GALNTL6: variants seen among roughly 807,000 people sequenced by gnomAD.
GALNTL6 encodes the protein polypeptide N-acetylgalactosaminyltransferase like 6, also known as polypeptide N-acetylgalactosaminyltransferase-like 6.
In GALNTL6, 46 loss-of-function variants were observed where a neutral mutation model predicts 73.7. The ratio of observed to expected loss-of-function variants is 0.62; its 90% CI spans 0.49 to 0.80. GALNTL6 has a LOEUF of 0.80. Ranked by LOEUF, GALNTL6 falls within the 30% of genes least tolerant of loss-of-function variation. GALNTL6 has a pLI of 0.00. For missense variants in GALNTL6, 604 were observed against 755.0 expected (o/e 0.80, Z 2.34); for synonymous variants, 259 against 263.7 (o/e 0.98, Z 0.17).
At chr4:171,830,600 A>C (rs1416192565) in intron 2 of GALNTL6, among the ~76,000 whole-genome samples, 2 of 152,186 alleles carry the variant, frequency 1.3e-5, no homozygotes, top group Admixed American at 6.6e-5. Context: ...TGTCATACTC[A>C]TGAATTAATG....
At chr4:172,116,076 G>C (rs931735873) in intron 2 of GALNTL6, among the ~76,000 whole-genome samples, 1 of 151,936 alleles carries the variant, frequency 6.6e-6, no homozygotes, top group Non-Finnish European at 1.5e-5. Context: ...TCTACCTAGA[G>C]AGAATATAAA....
chr4:172,987,574 T>C (rs766182395), intron 10 of GALNTL6, among the ~76,000 whole-genome samples: 3 of 152,216 alleles, frequency 2.0e-5, no homozygotes, highest in Non-Finnish European at 4.4e-5. Context: ...AATTATTTGT[T>C]ATATGGTGAT....
intron 2 of GALNTL6, among the ~76,000 whole-genome samples, chr4:172,060,500 T>C (rs1282173689): frequency 6.6e-6 from 1 of 152,220 alleles, no homozygotes; most frequent in African/African-American, 2.4e-5. Context: ...GTTGATGATT[T>C]ATCGTAGTCA....
intron 7 of GALNTL6, among the ~76,000 whole-genome samples, chr4:172,855,196 GAAA>G (rs3087060): frequency 7.2e-6 from 1 of 138,904 alleles, no homozygotes. Context: ...ACTTTGAGGT[GAAA>G]AAAAAAAAAA....
At chr4:172,046,478 A>G (rs956502114) in intron 2 of GALNTL6, among the ~76,000 whole-genome samples, 14 of 152,048 alleles carry the variant, frequency 9.2e-5, no homozygotes, top group African/African-American at 3.1e-4. Flanking sequence ...ACTAGTTTAC[A>G]TTTTCACTAG....
At chr4:172,774,695 C>T (rs1738971894) in intron 5 of GALNTL6, among the ~76,000 whole-genome samples, 1 of 152,098 alleles carries the variant, frequency 6.6e-6, no homozygotes, top group Admixed American at 6.6e-5. Flanking sequence ...GCTTGTGGCT[C>T]ACACCTGCAA....
intron 3 of GALNTL6, among the ~76,000 whole-genome samples, chr4:172,305,637 A>G (rs1740105539): frequency 6.6e-6 from 1 of 152,150 alleles, no homozygotes; most frequent in Non-Finnish European, 1.5e-5. Flanking sequence ...GTTGTTTGCA[A>G]AAGCAATGTA....
At chr4:172,737,377 C>T (rs1012225742) in intron 5 of GALNTL6, among the ~76,000 whole-genome samples, 2 of 151,730 alleles carry the variant, frequency 1.3e-5, no homozygotes, top group Non-Finnish European at 2.9e-5. Context: ...CTGATTCTTT[C>T]CTCTGCTTGC....
chr4:172,042,847 C>T (rs1258289211), intron 2 of GALNTL6, among the ~76,000 whole-genome samples: 3 of 100,434 alleles, frequency 3.0e-5, no homozygotes, highest in Admixed American at 3.1e-4. Context: ...TTGTTCTATC[C>T]GAGCAATCTT....
intron 4 of GALNTL6, among the ~76,000 whole-genome samples, chr4:172,346,296 G>T (rs1741737908): frequency 1.3e-5 from 2 of 152,208 alleles, no homozygotes; most frequent in South Asian, 4.1e-4. Context: ...CGTCTCAACA[G>T]TACATGGTCA....
intron 3 of GALNTL6, among the ~76,000 whole-genome samples, chr4:172,270,585 A>G (rs1207418258): frequency 6.6e-6 from 1 of 152,158 alleles, no homozygotes; most frequent in Non-Finnish European, 1.5e-5. Flanking sequence ...GCCCTGACAG[A>G]ACCTGGGACA....
intron 3 of GALNTL6, among the ~76,000 whole-genome samples, chr4:172,284,343 G>A (rs1319645664): frequency 6.6e-6 from 1 of 152,068 alleles, no homozygotes; most frequent in East Asian, 1.9e-4. Context: ...ATATTGCATA[G>A]TGGTGAAGTC....
chr4:172,698,372 G>A (rs968375475), intron 5 of GALNTL6, among the ~76,000 whole-genome samples: 3 of 151,968 alleles, frequency 2.0e-5, no homozygotes, highest in Non-Finnish European at 4.4e-5. Flanking sequence ...AACTAGTTTT[G>A]GCTCCTCCCA....
chr4:173,035,162 G>A (rs1021953730), intron 12 of GALNTL6, among the ~76,000 whole-genome samples: 2 of 147,842 alleles, frequency 1.4e-5, no homozygotes, highest in Non-Finnish European at 3.0e-5. Flanking sequence ...TGTTACATAT[G>A]TATACATGTG....
At chr4:172,627,196 A>T (rs914825232) in intron 5 of GALNTL6, among the ~76,000 whole-genome samples, 1 of 152,088 alleles carries the variant, frequency 6.6e-6, no homozygotes, top group Non-Finnish European at 1.5e-5. Context: ...GAAGGTTTTT[A>T]TCATGAAGGG....
chr4:172,298,944 A>G (rs1411489998), intron 3 of GALNTL6, among the ~76,000 whole-genome samples: 1 of 152,180 alleles, frequency 6.6e-6, no homozygotes, highest in Non-Finnish European at 1.5e-5. Flanking sequence ...AAGGAATGGT[A>G]CCAGCTCCTC....
chr4:172,939,734 A>G (rs1188071436), intron 9 of GALNTL6, among the ~76,000 whole-genome samples: 1 of 152,074 alleles, frequency 6.6e-6, no homozygotes, highest in Admixed American at 6.6e-5. Context: ...CTGGTAGAGC[A>G]CTCACTCACC....
intron 2 of GALNTL6, among the ~76,000 whole-genome samples, chr4:171,935,087 G>A (rs1738301071): frequency 6.6e-6 from 1 of 152,162 alleles, no homozygotes; most frequent in African/African-American, 2.4e-5. Flanking sequence ...TGCAGGATGT[G>A]AGATGCCAGT....
intron 2 of GALNTL6, among the ~76,000 whole-genome samples, chr4:172,030,988 T>G (rs2110820096): frequency 6.6e-6 from 1 of 152,200 alleles, no homozygotes; most frequent in South Asian, 2.1e-4. Context: ...CCAAGCAGTC[T>G]GAAATGTATG....
Sources: gnomAD v4.1 joint callset for allele counts (sites outside exome capture counted in the v4.1 genomes callset) on GRCh38, gnomAD v4.1.1 for gene constraint, MANE v1.5 for transcripts, NCBI Gene and HGNC (gene_info 2026-07-23, HGNC 2026-07-21) for gene names.